The following ZSWIM5 variants were observed in gnomAD, a reference collection of about 807,000 sequenced individuals.
ZSWIM5 encodes the protein zinc finger SWIM domain-containing protein 5.
A neutral mutation model predicts 119.6 loss-of-function variants in ZSWIM5; 55 were observed. That is an observed-to-expected ratio of 0.46 (90% CI 0.37 to 0.58). The LOEUF (loss-of-function observed/expected upper bound fraction) is 0.58, where lower values mean the gene tolerates loss of function less well. ZSWIM5 is among the 20% of genes least tolerant of loss of function. The pLI is 0.00. For missense variants in ZSWIM5, 1,193 were observed against 1,512.8 expected (o/e 0.79, Z 3.51); for synonymous variants, 537 against 606.9 (o/e 0.88, Z 1.69).
At chr1:45,179,429 A>G (rs984998886) in intron 1 of ZSWIM5, among the ~76,000 whole-genome samples, 2 of 152,120 alleles carry the variant, frequency 1.3e-5, no homozygotes, top group Non-Finnish European at 2.9e-5. Flanking sequence ...AACAACAGAC[A>G]CTGATGAATA....
At chr1:45,116,239 C>CA (rs1470236868) in intron 1 of ZSWIM5, among the ~76,000 whole-genome samples, 1 of 152,042 alleles carries the variant, frequency 6.6e-6, no homozygotes, top group Non-Finnish European at 1.5e-5. Context: ...TCATTGCTTT[C>CA]ATAACTTATA....
intron 5 of ZSWIM5, 100 bp downstream of exon 5, chr1:45,050,974 C>T (rs1327250431): frequency 5.0e-6 from 6 of 1,191,144 alleles, no homozygotes; most frequent in African/African-American, 1.6e-5. Context: ...AATGGCAATT[C>T]TGACAGCTAA....
intron 1 of ZSWIM5, among the ~76,000 whole-genome samples, chr1:45,190,926 AATTT>A (rs1646087628): frequency 1.4e-5 from 1 of 72,200 alleles, no homozygotes; most frequent in African/African-American, 5.7e-5. Context: ...AAATAGCTGG[AATTT>A]TTTTTTTTTT....
At chr1:45,089,320 A>C (rs1237247776) in intron 1 of ZSWIM5, among the ~76,000 whole-genome samples, 2 of 152,176 alleles carry the variant, frequency 1.3e-5, no homozygotes, top group East Asian at 3.9e-4. Flanking sequence ...CTTTGAAAAG[A>C]GTATGTATTC....
chr1:45,036,234 T>C lies in ZSWIM5; in HGVS notation c.1960A>G (p.Ser654Gly). The part of the protein sequence containing the change: ...VPVAAGSPNS[S>G]ESYLSLALEV... ...AGGGCCAATGACAGGTAGGACTCAC[T>C]GCTGTTTGGGGAGCCTGCAGCCACA... Residue 654 changes from serine (S) to glycine (G), a missense_variant, in exon 9 of 14, where the codon AGT becomes GGT. By Grantham distance (56) the Ser-to-Gly change is moderately conservative. This residue lies in a region of ZSWIM5 where 961 missense variants were observed against 1,290.0 expected (regional missense o/e 0.74). Coordinates refer to ENST00000359600, the MANE Select transcript of ZSWIM5 (RefSeq NM_020883.2). The C allele has an allele frequency of 6.8e-6, 11 of 1,614,138 alleles. No individual in the cohort carries two copies. Among genetic ancestry groups the C allele is most frequent in the Non-Finnish European group, 9.3e-6 (11 of 1,180,032 alleles).
At chr1:45,037,402 C>T (rs574701311) in intron 8 of ZSWIM5, among the ~76,000 whole-genome samples, 20 of 152,312 alleles carry the variant, frequency 1.3e-4, no homozygotes, top group Non-Finnish European at 2.5e-4. Context: ...AGAGCCACTG[C>T]GCCCGGCCCA....
chr1:45,051,486 T>C (rs1212815127), intron 4 of ZSWIM5, among the ~76,000 whole-genome samples: 2 of 152,178 alleles, frequency 1.3e-5, no homozygotes, highest in East Asian at 3.8e-4. Context: ...AAAGACAGAT[T>C]TAGGCTTGAA....
At chr1:45,178,375 G>A (rs1645994101) in intron 1 of ZSWIM5, among the ~76,000 whole-genome samples, 3 of 152,236 alleles carry the variant, frequency 2.0e-5, no homozygotes, top group Non-Finnish European at 4.4e-5. Context: ...AGTGGGCCAG[G>A]ATGGCGCCAC....
At chr1:45,091,900 A>G (rs1473057755) in intron 1 of ZSWIM5, among the ~76,000 whole-genome samples, 1 of 152,044 alleles carries the variant, frequency 6.6e-6, no homozygotes, top group Non-Finnish European at 1.5e-5. Flanking sequence ...TCATGAGGTC[A>G]GGGCTTTCTC....
In ZSWIM5 at chr1:45,074,437, A is replaced by G. The variant is rs1489289227; in HGVS notation, c.952+13444T>C. Among the ~76,000 whole-genome samples the G allele has an allele frequency of 3.3e-5, 5 of 151,640 alleles. No homozygotes were observed. The East Asian group carries it at 9.6e-4, about 29-fold the overall frequency. ...GTCTGTTCAAGTTTTGGGTTTCTTC[A>G]TGGTTCAGTCTTGATAGGTTATATG... On this transcript the variant is annotated intron_variant, in intron 2 of 13. Transcript: ENST00000359600.
intron 1 of ZSWIM5, among the ~76,000 whole-genome samples, chr1:45,198,085 T>A (rs1349545987): frequency 1.3e-5 from 2 of 152,190 alleles, no homozygotes; most frequent in Non-Finnish European, 2.9e-5. Flanking sequence ...GGACAGACAA[T>A]TACAGCAGAA....
intron 1 of ZSWIM5, among the ~76,000 whole-genome samples, chr1:45,184,434 A>G (rs918979452): frequency 2.6e-5 from 4 of 152,208 alleles, no homozygotes; most frequent in African/African-American, 9.7e-5. Flanking sequence ...AAGGGTATTC[A>G]ATTAGGAAAA....
intron 1 of ZSWIM5, among the ~76,000 whole-genome samples, chr1:45,135,772 C>T (rs1447182972): frequency 3.3e-5 from 5 of 152,182 alleles, no homozygotes; most frequent in African/African-American, 9.7e-5. Flanking sequence ...GACACATCTA[C>T]TCCTCCCATT....
rs998367191 is a variant in ZSWIM5 at position 45,148,858 on chromosome 1, T to C, written c.595+56898A>G. 2.6e-5 allele frequency among the ~76,000 whole-genome samples: 4 copies of C among 152,262 alleles called. No homozygotes were observed. In the South Asian group the frequency reaches 6.2e-4, roughly 24 times the overall value. On this transcript the variant is annotated intron_variant, in intron 1 of 13. Coordinates refer to ENST00000359600, the MANE Select transcript of ZSWIM5 (RefSeq NM_020883.2). ...TACCAAATACAGACACTTTTTCTTATAGTGCTTGTCCTATAATATTCATAC... is the reference window on the plus strand; with the variant it reads ...TACCAAATACAGACACTTTTTCTTACAGTGCTTGTCCTATAATATTCATAC...
At chr1:45,141,265 T>C (rs1645725038) in intron 1 of ZSWIM5, among the ~76,000 whole-genome samples, 1 of 152,214 alleles carries the variant, frequency 6.6e-6, no homozygotes. Flanking sequence ...TGTCTTTTTC[T>C]GTTTTCCTGC....
At chr1:45,123,821 T>C (rs1645606507) in intron 1 of ZSWIM5, among the ~76,000 whole-genome samples, 1 of 152,096 alleles carries the variant, frequency 6.6e-6, no homozygotes, top group African/African-American at 2.4e-5. Flanking sequence ...TAGTTAAACT[T>C]CTGAAAACTA....
intron 1 of ZSWIM5, among the ~76,000 whole-genome samples, chr1:45,115,595 C>G (rs572882631): frequency 2.0e-5 from 3 of 149,676 alleles, no homozygotes; most frequent in African/African-American, 7.4e-5. Context: ...CGGGCAGAGA[C>G]GCTCGTCACT....
At chr1:45,177,064 A>G (rs1271992909) in intron 1 of ZSWIM5, among the ~76,000 whole-genome samples, 1 of 152,102 alleles carries the variant, frequency 6.6e-6, no homozygotes, top group Non-Finnish European at 1.5e-5. Flanking sequence ...AGAAAAGGGA[A>G]TGATTAAGGA....
intron 1 of ZSWIM5, among the ~76,000 whole-genome samples, chr1:45,125,940 A>C (rs114584279): frequency 0.021 from 3,130 of 151,936 alleles, 116 homozygotes; most frequent in African/African-American, 0.072. Context: ...TGGTGGCAAG[A>C]GCTTGCACCC....
Sources: allele counts gnomAD v4.1 joint callset (sites outside exome capture counted in the v4.1 genomes callset), GRCh38; gene constraint gnomAD v4.1.1; regional missense constraint gnomAD v4.1.1; transcripts MANE v1.5; gene names NCBI Gene and HGNC (gene_info 2026-07-23, HGNC 2026-07-21).